SH3KBP1: variants seen among roughly 807,000 people sequenced by gnomAD.
SH3KBP1 encodes SH3 domain containing kinase binding protein 1.
Under a neutral mutation model 50.1 loss-of-function variants are expected in SH3KBP1, and 8 were observed. That is an observed-to-expected ratio of 0.16 (90% CI 0.09 to 0.29). The LOEUF (loss-of-function observed/expected upper bound fraction) is 0.29. Among genes scored for constraint, SH3KBP1 ranks in the 10% least tolerant of loss-of-function variants. SH3KBP1 has a pLI of 1.00. For synonymous variants in SH3KBP1, 227 were observed against 218.6 expected (o/e 1.04, Z -0.34); for missense variants, 377 against 535.2 (o/e 0.70, Z 2.92).
intron 3 of SH3KBP1, among the ~76,000 whole-genome samples, chrX:19,737,558 T>C (rs2064626835): frequency 8.9e-6 from 1 of 111,733 alleles, no homozygotes; most frequent in Non-Finnish European, 1.9e-5. Context: ...CGGGAAAAGC[T>C]AAGACTTCTG....
At chrX:19,578,501 C>T (rs969816217) in intron 12 of SH3KBP1, among the ~76,000 whole-genome samples, 1 of 111,702 alleles carries the variant, frequency 9.0e-6, no homozygotes, top group Non-Finnish European at 1.9e-5. Flanking sequence ...CATTTTATTA[C>T]AGACAGAGGT....
intron 2 of SH3KBP1, among the ~76,000 whole-genome samples, chrX:19,765,575 T>C (rs1019904615): frequency 3.6e-5 from 4 of 112,066 alleles, no homozygotes; most frequent in Non-Finnish European, 7.5e-5. Context: ...AAATACACGT[T>C]ACATAAAATT....
chrX:19,824,715 C>T (rs749033841), intron 2 of SH3KBP1, among the ~76,000 whole-genome samples: 175 of 111,896 alleles, frequency 1.6e-3, no homozygotes, highest in Middle Eastern at 4.6e-3. Context: ...AAATAAGATT[C>T]CATTATGCAT....
At chrX:19,816,738 G>A (rs2067367947) in intron 2 of SH3KBP1, among the ~76,000 whole-genome samples, 1 of 111,515 alleles carries the variant, frequency 9.0e-6, no homozygotes, top group Non-Finnish European at 1.9e-5. Flanking sequence ...AGCCTGGGAG[G>A]TCGAGGCTGC....
intron 1 of SH3KBP1, among the ~76,000 whole-genome samples, chrX:19,880,913 G>C (rs1163240210): frequency 8.9e-6 from 1 of 112,025 alleles, no homozygotes; most frequent in African/African-American, 3.2e-5. Flanking sequence ...AGCCGGGCAA[G>C]GCAGGGAAAT....
At chrX:19,750,751 T>C (rs771960963) in intron 2 of SH3KBP1, among the ~76,000 whole-genome samples, 10 of 111,399 alleles carry the variant, frequency 9.0e-5, no homozygotes, top group African/African-American at 3.3e-4. Flanking sequence ...GATACAACTG[T>C]ACACTGGCAA....
chrX:19,675,436 G>A (rs376860627), intron 6 of SH3KBP1, among the ~76,000 whole-genome samples: 3 of 104,120 alleles, frequency 2.9e-5, no homozygotes, highest in South Asian at 4.3e-4. Context: ...CCAGAGTCTC[G>A]CTCTGTCGCC....
intron 13 of SH3KBP1, among the ~76,000 whole-genome samples, chrX:19,557,084 G>C (rs73457626): frequency 0.021 from 2,402 of 111,897 alleles, 65 homozygotes; most frequent in African/African-American, 0.074. Flanking sequence ...TGCTGTGTGG[G>C]CATTACTATA....
At chrX:19,653,767 CA>C (rs1197060412) in intron 6 of SH3KBP1, among the ~76,000 whole-genome samples, 1 of 45,702 alleles carries the variant, frequency 2.2e-5, no homozygotes, top group East Asian at 4.6e-4. Context: ...TCTAAATACA[CA>C]CACACACACA....
chrX:19,763,812 C>T (rs1010965946), intron 2 of SH3KBP1, among the ~76,000 whole-genome samples: 15 of 109,428 alleles, frequency 1.4e-4, no homozygotes, highest in African/African-American at 2.7e-4. Flanking sequence ...TCTTGAGGTA[C>T]GGAGTTCGAG....
At chrX:19,637,478 G>A (rs1035410592) in intron 7 of SH3KBP1, among the ~76,000 whole-genome samples, 22 of 111,689 alleles carry the variant, frequency 2.0e-4, no homozygotes, top group African/African-American at 7.2e-4. Flanking sequence ...CCATGCATTC[G>A]GCTTAAAGTG....
chrX:19,614,626 T>A (rs190503997), intron 8 of SH3KBP1, among the ~76,000 whole-genome samples: 2 of 112,060 alleles, frequency 1.8e-5, no homozygotes, highest in East Asian at 5.6e-4. Flanking sequence ...CCTAGGTTTT[T>A]CCAGTGTGTA....
At chrX:19,824,040 G>A (rs1254321464) in intron 2 of SH3KBP1, among the ~76,000 whole-genome samples, 2 of 110,890 alleles carry the variant, frequency 1.8e-5, no homozygotes, top group Admixed American at 9.6e-5. Context: ...GTCTGGTCTC[G>A]AACTTCTGAC....
At chrX:19,658,344 C>T (rs1247040626) in intron 6 of SH3KBP1, among the ~76,000 whole-genome samples, 1 of 111,795 alleles carries the variant, frequency 8.9e-6, no homozygotes, top group Non-Finnish European at 1.9e-5. Flanking sequence ...TGAAAGATAA[C>T]CTACTGCTTC....
At chrX:19,538,622 T>C (rs377098954) in intron 16 of SH3KBP1, among the ~76,000 whole-genome samples, 1 of 110,531 alleles carries the variant, frequency 9.0e-6, no homozygotes, top group Admixed American at 9.7e-5. Context: ...AGTCCCACTC[T>C]GTTGCCCAGG....
intron 16 of SH3KBP1, 103 bp from the exon 17 acceptor site, chrX:19,537,883 A>G: frequency 1.5e-6 from 1 of 670,461 alleles, no homozygotes; most frequent in Non-Finnish European, 2.4e-6. Context: ...ATCCTTTTTT[A>G]CAAAGAAACT....
intron 2 of SH3KBP1, among the ~76,000 whole-genome samples, chrX:19,771,781 T>C (rs2065797174): frequency 9.3e-6 from 1 of 107,837 alleles, no homozygotes; most frequent in Non-Finnish European, 1.9e-5. Flanking sequence ...GGAGAATTGC[T>C]TGAACCCAGG....
chrX:19,694,883 C>T (rs372475582), intron 5 of SH3KBP1: 7 of 634,926 alleles, frequency 1.1e-5, no homozygotes, highest in Admixed American at 2.8e-5. Context: ...GCTGCACAGT[C>T]GAGCCTCCTA....
chrX:19,687,448 A>T (rs1296916759), intron 5 of SH3KBP1, among the ~76,000 whole-genome samples: 1 of 112,450 alleles, frequency 8.9e-6, no homozygotes, highest in African/African-American at 3.2e-5. Flanking sequence ...CTTAGCACAC[A>T]CCAAGGAGAT....
Sources: gnomAD v4.1 joint callset for allele counts (sites outside exome capture counted in the v4.1 genomes callset) on GRCh38, gnomAD v4.1.1 for gene constraint, MANE v1.5 for transcripts, NCBI Gene and HGNC (gene_info 2026-07-23, HGNC 2026-07-21) for gene names.